SCN9A: variants seen among roughly 807,000 people sequenced by gnomAD.
SCN9A encodes sodium channel protein type 9 subunit alpha.
Under a neutral mutation model 187.0 loss-of-function variants are expected in SCN9A, and 131 were observed. The ratio of observed to expected loss-of-function variants is 0.70; its 90% CI spans 0.61 to 0.81. The LOEUF is 0.81. Among genes scored for constraint, SCN9A ranks in the 30% least tolerant of loss-of-function variants. SCN9A has a pLI of 0.00. For synonymous variants in SCN9A, 809 were observed against 808.6 expected, an observed-to-expected ratio of 1.00 and a Z score of -0.01; for missense variants, 2,252 against 2,396.6, an observed-to-expected ratio of 0.94 and a Z score of 1.26.
rs75723700 is a variant in SCN9A at position 166,257,315 on chromosome 2, C to T, written c.3352-5430G>A. On this transcript the variant is annotated intron_variant, in intron 17 of 26. Transcript: ENST00000642356. ...AGTGTAGATACGCAGACTCAAGCTTCGTAAATATTATCTATAATTTTGAAA... is the reference window on the plus strand; with the variant it reads ...AGTGTAGATACGCAGACTCAAGCTTTGTAAATATTATCTATAATTTTGAAA... 1.3e-3 allele frequency among the ~76,000 whole-genome samples: 204 copies of T among 151,380 alleles called. 1 individual carries two copies. The highest frequency in any genetic ancestry group is 4.8e-3 in the African/African-American group (200 of 41,392).
chr2:166,359,767 T>C (rs892423859), intron 1 of SCN9A, among the ~76,000 whole-genome samples: 2 of 77,088 alleles, frequency 2.6e-5, no homozygotes, highest in African/African-American at 1.7e-4. Context: ...AGACAACTGA[T>C]AGGGACTATT....
At chr2:166,236,969 T>C (rs1291256632) in intron 20 of SCN9A, among the ~76,000 whole-genome samples, 2 of 152,136 alleles carry the variant, frequency 1.3e-5, no homozygotes, top group African/African-American at 2.4e-5. Context: ...CCTCTAATTA[T>C]GTCAGGCATC....
chr2:166,204,199 G>A lies in SCN9A; in HGVS notation c.4530C>T (p.Asp1510=). ...PGNKIQGCIF[D]LVTNQAFDIS... ...TATCAAAGGCTTGATTTGTCACTAGGTCAAATATACATCCTTGGATTTTGT... is the reference window on the plus strand; with the variant it reads ...TATCAAAGGCTTGATTTGTCACTAGATCAAATATACATCCTTGGATTTTGT... Residue 1510 remains aspartate, a synonymous_variant, in exon 26 of 27, where the codon GAC becomes GAT. Coordinates refer to ENST00000642356, the MANE Select transcript of SCN9A (RefSeq NM_001365536.1). 2 of 1,611,986 alleles carry A rather than the reference G, an allele frequency of 1.2e-6. No individual in the cohort carries two copies. The highest frequency in any genetic ancestry group is 1.7e-6 in the Non-Finnish European group (2 of 1,178,760).
chr2:166,291,515 AT>A (rs2106499442), intron 9 of SCN9A, among the ~76,000 whole-genome samples: 1 of 152,338 alleles, frequency 6.6e-6, no homozygotes, highest in Non-Finnish European at 1.5e-5. Context: ...TAATTTATAG[AT>A]TCAATGCTAG....
At chr2:166,345,072 C>T (rs1699868546) in intron 1 of SCN9A, among the ~76,000 whole-genome samples, 1 of 151,940 alleles carries the variant, frequency 6.6e-6, no homozygotes, top group South Asian at 2.1e-4. Context: ...AATATTACAG[C>T]CTGTGTATAA....
chr2:166,260,675 C>A (rs1696469219), intron 17 of SCN9A, among the ~76,000 whole-genome samples: 2 of 151,398 alleles, frequency 1.3e-5, no homozygotes, highest in African/African-American at 2.4e-5. Flanking sequence ...TTATAGGGGG[C>A]CAAAAATATT....
At chr2:166,330,292 C>G (rs998896215) in intron 1 of SCN9A, among the ~76,000 whole-genome samples, 1 of 152,136 alleles carries the variant, frequency 6.6e-6, no homozygotes, top group East Asian at 1.9e-4. Context: ...ATATCCCATT[C>G]TCTGCCACTC....
chr2:166,291,817 G>A (rs1004667399), intron 9 of SCN9A, among the ~76,000 whole-genome samples: 1 of 152,180 alleles, frequency 6.6e-6, no homozygotes, highest in Admixed American at 6.5e-5. Flanking sequence ...AACAAGCAAT[G>A]TGGAAAGGAT....
chr2:166,280,333 C>T (rs766138064), intron 14 of SCN9A, 24 bp downstream of exon 14: 3 of 1,278,976 alleles, frequency 2.3e-6, no homozygotes, highest in Non-Finnish European at 3.3e-6. Flanking sequence ...ACTATGAGTA[C>T]ATAACACACA....
intron 1 of SCN9A, among the ~76,000 whole-genome samples, chr2:166,345,175 T>A (rs571668997): frequency 1.3e-5 from 2 of 152,258 alleles, no homozygotes; most frequent in African/African-American, 4.8e-5. Flanking sequence ...CCTGAATGAA[T>A]GAATCAATCA....
At chr2:166,260,790 A>G (rs1218592813) in intron 17 of SCN9A, among the ~76,000 whole-genome samples, 1 of 151,928 alleles carries the variant, frequency 6.6e-6, no homozygotes, top group Non-Finnish European at 1.5e-5. Context: ...AATAAAAGAA[A>G]TGAATAAAAT....
intron 24 of SCN9A, among the ~76,000 whole-genome samples, chr2:166,218,509 G>A (rs967460538): frequency 6.6e-6 from 1 of 152,232 alleles, no homozygotes. Flanking sequence ...ACGATGTGGA[G>A]AAAGTATAAA....
chr2:166,288,259 A>G (rs959103054), intron 10 of SCN9A, among the ~76,000 whole-genome samples, 178 bp downstream of exon 10: 2 of 151,840 alleles, frequency 1.3e-5, no homozygotes, highest in African/African-American at 4.8e-5. Context: ...GAAAGTATCA[A>G]TTCTAGCTCA....
intron 20 of SCN9A, among the ~76,000 whole-genome samples, chr2:166,233,887 T>C (rs2106396418): frequency 6.6e-6 from 1 of 152,272 alleles, no homozygotes; most frequent in South Asian, 2.1e-4. Flanking sequence ...TAAATCTATG[T>C]CTTAGTATAA....
Position 166,305,827 on chromosome 2 carries a change from C to T in SCN9A, c.561G>A (p.Pro187=), listed in dbSNP as rs200182914. 186 of 1,613,156 alleles carry T rather than the reference C, an allele frequency of 1.2e-4. No homozygotes were observed. The highest frequency in any genetic ancestry group is 2.0e-4 in the Admixed American group (12 of 59,934). ...TGACGACAAAATCCAGCCAGTTCCA[C>T]GGGTCACGAAGAAAAGTGAATTCTC... ...CVGEFTFLRD[P]WNWLDFVVIV... Residue 187 remains proline (P), a synonymous_variant, in exon 5 of 27, where the codon CCG becomes CCA. Coordinates refer to ENST00000642356, the MANE Select transcript of SCN9A (RefSeq NM_001365536.1).
chr2:166,208,137 T>A (rs1040601647), intron 24 of SCN9A, among the ~76,000 whole-genome samples: 1 of 152,252 alleles, frequency 6.6e-6, no homozygotes, highest in African/African-American at 2.4e-5. Flanking sequence ...AATGTATCCC[T>A]TTAAAACCTA....
intron 5 of SCN9A, among the ~76,000 whole-genome samples, chr2:166,305,268 G>A (rs749782980): frequency 5.3e-5 from 8 of 151,994 alleles, no homozygotes; most frequent in Non-Finnish European, 8.8e-5. Context: ...ATACTGTAAT[G>A]TAATATTTTC....
At chr2:166,347,304 A>G (rs1574950709) in intron 1 of SCN9A, among the ~76,000 whole-genome samples, 1 of 152,234 alleles carries the variant, frequency 6.6e-6, no homozygotes, top group East Asian at 1.9e-4. Context: ...GGCAAAAAAT[A>G]TAAAATACTT....
chr2:166,368,400 G>A (rs965790357), intron 1 of SCN9A, among the ~76,000 whole-genome samples: 13 of 152,260 alleles, frequency 8.5e-5, no homozygotes, highest in South Asian at 2.1e-4. Context: ...TTAGAAGGCC[G>A]AGGTGGGCAG....
Sources: allele counts gnomAD v4.1 joint callset (sites outside exome capture counted in the v4.1 genomes callset), GRCh38; gene constraint gnomAD v4.1.1; transcripts MANE v1.5; gene names NCBI Gene and HGNC (gene_info 2026-07-23, HGNC 2026-07-21).